The following NRG2 variants were observed in gnomAD, a reference collection of about 807,000 sequenced individuals.
The protein encoded by NRG2 is neuregulin 2.
NRG2 carries 27 observed loss-of-function variants against 73.9 expected under a neutral mutation model. The observed-to-expected ratio is 0.37, with a 90% CI of 0.27 to 0.50. The LOEUF (loss-of-function observed/expected upper bound fraction) is 0.50, where lower values mean the gene tolerates loss of function less well. Ranked by LOEUF, NRG2 falls within the 20% of genes least tolerant of loss-of-function variation. NRG2 has a pLI of 0.96. For synonymous variants in NRG2, 532 were observed against 541.0 expected, an observed-to-expected ratio of 0.98 and a Z score of 0.23; for missense variants, 1,126 against 1,210.1, an observed-to-expected ratio of 0.93 and a Z score of 1.03.
intron 1 of NRG2, among the ~76,000 whole-genome samples, chr5:139,962,590 C>G (rs1031471126): frequency 2.0e-5 from 3 of 152,102 alleles, no homozygotes; most frequent in African/African-American, 7.2e-5. Flanking sequence ...CAGGGGCAGC[C>G]AGGGCATTTG....
intron 1 of NRG2, among the ~76,000 whole-genome samples, chr5:139,989,790 A>AT (rs1010379202): frequency 4.7e-5 from 7 of 148,670 alleles, no homozygotes; most frequent in Non-Finnish European, 8.9e-5. Context: ...ATTTTATTTT[A>AT]TTTTTTTATT....
Position 139,860,004 on chromosome 5 carries a change from G to A in NRG2, c.1190-4226C>T, listed in dbSNP as rs1456955549. The A allele has an allele frequency of 7.3e-6, 10 of 1,363,324 alleles. No individual in the cohort carries two copies. The East Asian group carries it at 1.2e-4, about 16-fold the overall frequency. The allele number at this position is 1,363,324 out of a possible 1,614,324, so 84.5% of individuals were successfully genotyped here. ...CAGGGGGAGAGAGAGAGACAGAAACGTTGGTCAGGACTCCTCAGACACCGG... is the reference window on the plus strand; with the variant it reads ...CAGGGGGAGAGAGAGAGACAGAAACATTGGTCAGGACTCCTCAGACACCGG... On this transcript the variant is annotated intron_variant, in intron 5 of 9. Transcript: ENST00000361474.
chr5:139,903,017 C>T (rs1284398336), intron 1 of NRG2, among the ~76,000 whole-genome samples: 2 of 152,206 alleles, frequency 1.3e-5, no homozygotes, highest in Non-Finnish European at 2.9e-5. Context: ...TAGTGTTTGA[C>T]GCCTAGGCTC....
At chr5:139,952,079 G>C (rs926892055) in intron 1 of NRG2, among the ~76,000 whole-genome samples, 1 of 152,246 alleles carries the variant, frequency 6.6e-6, no homozygotes, top group African/African-American at 2.4e-5. Context: ...CTTTCCTTGT[G>C]TGTAAAATAA....
rs981119728 is a variant in NRG2 at position 139,915,787 on chromosome 5, G to A, written c.701-28276C>T. On this transcript the variant is annotated intron_variant, in intron 1 of 9. Transcript: ENST00000361474. The surrounding 1 kb of genome is among the most constrained non-coding windows in gnomAD (Gnocchi z 4.0). The stretch of plus-strand genomic sequence containing the variant: ...GAAGGATCATGGTGACATTTGTATC[G>A]CAAAAGATGAGCTGAGAGTACAGGA... Among the ~76,000 whole-genome samples the A allele has an allele frequency of 3.9e-5, 6 of 152,198 alleles. No individual in the cohort carries two copies. Among genetic ancestry groups the A allele is most frequent in the African/African-American group, 1.4e-4 (6 of 41,442 alleles).
Position 139,887,467 on chromosome 5 carries a change from C to G in NRG2, c.745G>C (p.Val249Leu). ...LKKMKSQTGQ[V>L]GEKQSLKCEA... Reference sequence around the variant, plus strand: ...CACTTCAGCGATTGCTTCTCACCCACCTGTCCCGTCTGGCTCTTCATCTTC... The same window carrying G: ...CACTTCAGCGATTGCTTCTCACCCAGCTGTCCCGTCTGGCTCTTCATCTTC... Residue 249 changes from valine to leucine, a missense_variant, in exon 2 of 10, where the codon GTG becomes CTG. This residue lies in a region of NRG2 where 539 missense variants were observed against 703.2 expected (regional missense o/e 0.77). Coordinates refer to ENST00000361474, the MANE Select transcript of NRG2 (RefSeq NM_004883.3). This position sits in a 1 kb window ranked among gnomAD's most constrained non-coding sequence, Gnocchi z 4.5. 1 of 1,614,214 alleles carries G rather than the reference C, an allele frequency of 6.2e-7. No individual in the cohort carries two copies. Among genetic ancestry groups the G allele is most frequent in the African/African-American group, 1.3e-5 (1 of 75,052 alleles).
chr5:139,893,093 A>G (rs1264228208), intron 1 of NRG2, among the ~76,000 whole-genome samples: 4 of 152,246 alleles, frequency 2.6e-5, no homozygotes, highest in African/African-American at 7.2e-5. Flanking sequence ...CAATTCAATT[A>G]CCAACAGAGA....
In NRG2 at chr5:139,851,250, G is replaced by A. The variant is rs1288396552; in HGVS notation, c.1772+354C>T. ...TGATCCATCCGCCTTGGCCTCCCAA[G>A]TGCTGGGATTACAGGTGTGAGCCAC... On this transcript the variant is annotated intron_variant, in intron 9 of 9. Coordinates refer to ENST00000361474, the MANE Select transcript of NRG2 (RefSeq NM_004883.3). The surrounding 1 kb of genome is among the most constrained non-coding windows in gnomAD (Gnocchi z 4.2). Among the ~76,000 whole-genome samples the A allele has an allele frequency of 6.6e-6, 1 of 152,204 alleles. No homozygotes were observed. Among genetic ancestry groups the A allele is most frequent in the Non-Finnish European group, 1.5e-5 (1 of 68,034 alleles).
intron 1 of NRG2, among the ~76,000 whole-genome samples, chr5:139,932,719 A>G (rs993451075): frequency 6.6e-6 from 1 of 152,164 alleles, no homozygotes; most frequent in Admixed American, 6.5e-5. Context: ...CCATAATAGC[A>G]TGTTGTAAAA....
chr5:140,034,255 C>G lies in NRG2; in HGVS notation c.700+8115G>C, dbSNP rs867127496. ...GATTACAGGCGTGAGCCACCATGCCCGGCCACAAAAGATGGTTTCTAAACC... is the reference window on the plus strand; with the variant it reads ...GATTACAGGCGTGAGCCACCATGCCGGGCCACAAAAGATGGTTTCTAAACC... On this transcript the variant is annotated intron_variant, in intron 1 of 9. Transcript: ENST00000361474. Among the ~76,000 whole-genome samples the G allele has an allele frequency of 4.0e-4, 61 of 152,268 alleles. No individual in the cohort carries two copies. The Middle Eastern group carries it at 0.017, about 42-fold the overall frequency.
chr5:139,858,573 T>A (rs762299385), intron 5 of NRG2, among the ~76,000 whole-genome samples: 12 of 152,200 alleles, frequency 7.9e-5, no homozygotes, highest in Non-Finnish European at 1.8e-4. Context: ...TAGATGTTTG[T>A]TGCATTGGTG....
rs75264072 is a variant in NRG2, at chr5:139,998,466, C to T, written c.700+43904G>A. On this transcript the variant is annotated intron_variant, in intron 1 of 9. Coordinates refer to ENST00000361474, the MANE Select transcript of NRG2 (RefSeq NM_004883.3). ...CATCTACTGGCAATCAACCCCAGAC[C>T]AAAGCCACACAAGATCTGCTCCAGT... 2.6e-3 allele frequency among the ~76,000 whole-genome samples: 393 copies of T among 152,282 alleles called. 5 individuals are homozygous for T. Among genetic ancestry groups the T allele is most frequent in the African/African-American group, 8.6e-3 (358 of 41,552 alleles).
intron 5 of NRG2, among the ~76,000 whole-genome samples, chr5:139,862,873 G>A (rs1762244861): frequency 6.6e-6 from 1 of 152,226 alleles, no homozygotes. Flanking sequence ...GCTGTTTGTG[G>A]AAGAAAGAAA....
At chr5:139,983,958 G>T (rs141988602) in intron 1 of NRG2, among the ~76,000 whole-genome samples, 1 of 152,080 alleles carries the variant, frequency 6.6e-6, no homozygotes, top group South Asian at 2.1e-4. Context: ...ACTACCCTGC[G>T]CCAGGATCAT....
Position 140,042,750 on chromosome 5 carries a change from C to T in NRG2, c.320G>A (p.Gly107Asp). Residue 107 changes from glycine (G) to aspartate (D), a missense_variant, in exon 1 of 10, where the codon GGT becomes GAT. Physicochemically the swap from Gly to Asp is moderately conservative, Grantham distance 94 (BLOSUM62 -1). Around this residue, in one of 3 missense-constraint regions of NRG2, gnomAD observed 539 missense variants for 703.2 expected, o/e 0.77. Coordinates refer to ENST00000361474, the MANE Select transcript of NRG2 (RefSeq NM_004883.3). ...GGGCGAGTAGCAGGCGAGCGACACA[C>T]CGAAGAGCAGCATGGAGAAGCCGGG... ...PAPGFSMLLFGVSLACYSPSL... is the reference protein window; with the variant it reads ...PAPGFSMLLFDVSLACYSPSL... 6.4e-7 allele frequency: 1 copy of T among 1,556,836 alleles called. No individual in the cohort carries two copies. Among genetic ancestry groups the T allele is most frequent in the Non-Finnish European group, 8.7e-7 (1 of 1,151,982 alleles).
intron 1 of NRG2, among the ~76,000 whole-genome samples, chr5:140,027,043 CA>C (rs1157393234): frequency 6.6e-6 from 1 of 152,092 alleles, no homozygotes; most frequent in African/African-American, 2.4e-5. Context: ...TGCAGTGGTG[CA>C]ATCACAGCTC....
chr5:140,024,893 C>T (rs1391409939), intron 1 of NRG2, among the ~76,000 whole-genome samples: 2 of 152,192 alleles, frequency 1.3e-5, no homozygotes, highest in African/African-American at 4.8e-5. Flanking sequence ...CCCATGCAGT[C>T]TCTATATTTT....
chr5:140,041,061 C>T (rs1369287710), intron 1 of NRG2, among the ~76,000 whole-genome samples: 1 of 152,084 alleles, frequency 6.6e-6, no homozygotes, highest in Admixed American at 6.5e-5. Flanking sequence ...AGGAAAGCTT[C>T]CAAAAATCAT....
intron 1 of NRG2, among the ~76,000 whole-genome samples, chr5:139,981,008 A>G (rs993201872): frequency 3.9e-5 from 6 of 152,186 alleles, no homozygotes; most frequent in African/African-American, 1.4e-4. Flanking sequence ...CCTGGGGTGC[A>G]GCGTGGCTGT....
Sources: gnomAD v4.1 joint callset for allele counts (sites outside exome capture counted in the v4.1 genomes callset) on GRCh38, gnomAD v4.1.1 for gene constraint, gnomAD v4.1.1 regional missense constraint, Gnocchi (gnomAD v3.1) non-coding constraint, MANE v1.5 for transcripts, NCBI Gene and HGNC (gene_info 2026-07-23, HGNC 2026-07-21) for gene names.